Variants in EIF2A observed in about 807,000 individuals in gnomAD.
EIF2A encodes eukaryotic translation initiation factor 2A, also known as 65 kDa eukaryotic translation initiation factor 2A.
In EIF2A, 62 loss-of-function variants were observed where a neutral mutation model predicts 75.2. That is an observed-to-expected ratio of 0.82 (90% CI 0.67 to 1.02). The LOEUF is 1.02. Ranked by LOEUF, EIF2A falls within the 50% of genes least tolerant of loss-of-function variation. The pLI is 0.00. For synonymous variants in EIF2A, 207 were observed against 239.0 expected (o/e 0.87, Z 1.23); for missense variants, 611 against 677.7 (o/e 0.90, Z 1.09).
intron 6 of EIF2A, chr3:150,567,281 G>A (rs1218614154): frequency 6.4e-6 from 1 of 156,098 alleles, no homozygotes; most frequent in Admixed American, 6.5e-5. Flanking sequence ...TTAAGTTACA[G>A]AATTTCCATA....
intron 9 of EIF2A, among the ~76,000 whole-genome samples, chr3:150,570,909 A>G (rs1217670957): frequency 6.6e-6 from 1 of 151,582 alleles, no homozygotes; most frequent in Non-Finnish European, 1.5e-5. Context: ...TCTACTAAAA[A>G]TACAAAATTA....
rs748848904 is a variant in EIF2A at position 150,572,524 on chromosome 3, A to C, written c.1378A>C (p.Lys460Gln). The C allele has an allele frequency of 5.0e-6, 8 of 1,599,190 alleles. No homozygotes were observed. In the South Asian group the frequency reaches 6.8e-5, roughly 14 times the overall value. ...AAGAAATAAACCAATCACCAATTCC[A>C]AATTGGTAAGTAAAGTTTTACTACT... Reference protein sequence around the residue: ...ALRNKPITNSKLHEEEPPQNM... With the variant: ...ALRNKPITNSQLHEEEPPQNM... Residue 460 changes from lysine (K) to glutamine (Q), a missense_variant, in exon 10 of 14, where the codon AAA (lysine) becomes CAA (glutamine). Transcript: ENST00000460851.
At chr3:150,579,907 T>TG (rs1725075547) in intron 11 of EIF2A, among the ~76,000 whole-genome samples, 1 of 152,036 alleles carries the variant, frequency 6.6e-6, no homozygotes, top group African/African-American at 2.4e-5. Context: ...TATATTCCAC[T>TG]GGAAATTCTA....
chr3:150,555,032 A>G (rs1042836864), intron 2 of EIF2A, among the ~76,000 whole-genome samples: 1 of 152,116 alleles, frequency 6.6e-6, no homozygotes, highest in East Asian at 1.9e-4. Context: ...GGCTCAAACA[A>G]TACTCCTGCC....
chr3:150,560,505 C>CAACAAGAAGAA (rs1350722535), intron 3 of EIF2A, among the ~76,000 whole-genome samples: 3 of 152,134 alleles, frequency 2.0e-5, no homozygotes, highest in African/African-American at 7.2e-5. Context: ...TTAACAACAG[C>CAACAAGAAGAA]AACAAGAAGA....
chr3:150,557,689 G>A, intron 2 of EIF2A: 1 of 391,520 alleles, frequency 2.6e-6, no homozygotes, highest in Non-Finnish European at 5.1e-6. Context: ...GTGAGCCATT[G>A]CACCATGAGA....
chr3:150,561,581 T>C (rs1723855933), intron 3 of EIF2A, among the ~76,000 whole-genome samples: 1 of 151,742 alleles, frequency 6.6e-6, no homozygotes, highest in African/African-American at 2.4e-5. Context: ...CCATCTCAAA[T>C]AAAAAATAAA....
At chr3:150,569,458 G>A (rs561731227) in intron 9 of EIF2A, among the ~76,000 whole-genome samples, 1 of 151,364 alleles carries the variant, frequency 6.6e-6, no homozygotes, top group African/African-American at 2.4e-5. Context: ...CTGTAAGGTT[G>A]GTGTTGAAAA....
intron 9 of EIF2A, among the ~76,000 whole-genome samples, chr3:150,570,754 C>G (rs10935808): frequency 0.21 from 31,320 of 151,922 alleles, 3,469 homozygotes; most frequent in East Asian, 0.4. Context: ...GAGGGGGAAG[C>G]CTGCATCATC....
At chr3:150,575,807 G>A (rs1423513079) in intron 11 of EIF2A, 45 bp downstream of exon 11, 2 of 1,524,098 alleles carry the variant, frequency 1.3e-6, no homozygotes, top group African/African-American at 2.8e-5. Flanking sequence ...AGTCAGTTAT[G>A]GCCGGGCGCA....
intron 5 of EIF2A, among the ~76,000 whole-genome samples, 168 bp from the exon 6 acceptor site, chr3:150,564,131 A>G (rs546649131): frequency 1.3e-5 from 2 of 152,246 alleles, no homozygotes; most frequent in African/African-American, 4.8e-5. Context: ...TTCTATTAAC[A>G]TATATTGACT....
At chr3:150,578,052 A>C (rs757956535) in intron 11 of EIF2A, among the ~76,000 whole-genome samples, 22 of 152,040 alleles carry the variant, frequency 1.4e-4, no homozygotes, top group African/African-American at 5.1e-4. Context: ...AGGGACCTCT[A>C]CTGGCCCTGG....
chr3:150,562,980 A>G, intron 4 of EIF2A: 1 of 198,684 alleles, frequency 5.0e-6, no homozygotes. Flanking sequence ...AATGACTTTT[A>G]AAATCAAGAC....
rs1481185303 is a variant in EIF2A at position 150,585,007 on chromosome 3, C to G, written c.*1096C>G. Among the ~76,000 whole-genome samples, 1 of 150,440 alleles carries G rather than the reference C, an allele frequency of 6.6e-6. No individual in the cohort carries two copies. Among genetic ancestry groups the G allele is most frequent in the Non-Finnish European group, 1.5e-5 (1 of 67,436 alleles). On this transcript the variant is annotated 3_prime_UTR_variant, in exon 14 of 14. Coordinates refer to ENST00000460851, the MANE Select transcript of EIF2A (RefSeq NM_032025.5). ...GAGTATTCAAATATACATACACATA[C>G]ACTTAAAAAAAAAAGATGGCATATA... is the stretch of plus-strand genomic sequence containing the variant.
chr3:150,563,966 G>A (rs1351491718), intron 5 of EIF2A, among the ~76,000 whole-genome samples: 3 of 151,994 alleles, frequency 2.0e-5, no homozygotes, highest in South Asian at 2.1e-4. Flanking sequence ...CTACAGGCAC[G>A]TGCCACCATG....
At position 150,558,450 on chromosome 3, in the gene EIF2A, G is replaced by A; in HGVS notation, c.161G>A (p.Gly54Asp). The change falls in exon 3 of 14, where the codon GGC becomes GAC. Residue 54 changes from glycine to aspartate, a missense_variant. By Grantham distance (94) the Gly-to-Asp change is moderately conservative. Transcript: ENST00000460851. ...AAGGATGGGACCTTGTTTGCCTGGG[G>A]CAATGGAGAAAAGTTAGTGTTCATT... ...FSKDGTLFAW[G>D]NGEKVNIISV... 1 of 1,510,930 alleles carries A rather than the reference G, an allele frequency of 6.6e-7. No homozygotes were observed. Among genetic ancestry groups the A allele is most frequent in the Non-Finnish European group, 8.8e-7 (1 of 1,138,392 alleles). The allele number at this position is 1,510,930 out of a possible 1,614,324, so 93.6% of individuals were successfully genotyped here.
chr3:150,562,647 G>A lies in EIF2A; in HGVS notation c.279G>A (p.Trp93Ter), dbSNP rs1274797180. 2 of 1,612,304 alleles carry A rather than the reference G, an allele frequency of 1.2e-6. No homozygotes were observed. Among genetic ancestry groups the A allele is most frequent in the Non-Finnish European group, 1.7e-6 (2 of 1,178,924 alleles). Residue 93 changes from tryptophan to a stop codon, truncating the protein, a stop_gained, in exon 4 of 14, where the codon TGG becomes TGA. Transcript: ENST00000460851. LOFTEE classifies it high-confidence loss of function. ...CCAAAAATACTGTCCTGGCAACGTG[G>A]CAGCCTTACACTAGTAAGTATTTTC... ...FSPKNTVLAT[W>*]QPYTTSKDGT...
In EIF2A at chr3:150,552,428, A is replaced by G. The variant is rs1166917655; in HGVS notation, c.98+3A>G. The G allele has an allele frequency of 6.4e-7, 1 of 1,551,690 alleles. No homozygotes were observed. Among genetic ancestry groups the G allele is most frequent in the Non-Finnish European group, 8.7e-7 (1 of 1,146,696 alleles). On this transcript the variant is annotated splice_donor_region_variant and intron_variant, in intron 2 of 13. Coordinates refer to ENST00000460851, the MANE Select transcript of EIF2A (RefSeq NM_032025.5). ...ACAGAAAGCACAGTGTTTCCAAGGT[A>G]TGATTTATTTTGTTAAGTAATGTTA...
At position 150,546,860 on chromosome 3, in the gene EIF2A, T is replaced by G. The variant is rs1237636478; in HGVS notation, c.28+30T>G. 1.9e-6 allele frequency: 3 copies of G among 1,610,410 alleles called. No homozygotes were observed. The East Asian group carries it at 6.7e-5, about 36-fold the overall frequency. ...GTTCTGAAGAAGCGAGGGACTCTCT[T>G]TCTTCAGACTAGTTTCTTATTTTTG... On this transcript the variant is annotated intron_variant, in intron 1 of 13. Coordinates refer to ENST00000460851, the MANE Select transcript of EIF2A (RefSeq NM_032025.5).
Sources: gnomAD v4.1 joint callset for allele counts (sites outside exome capture counted in the v4.1 genomes callset) on GRCh38, gnomAD v4.1.1 for gene constraint, MANE v1.5 for transcripts, NCBI Gene and HGNC (gene_info 2026-07-23, HGNC 2026-07-21) for gene names.